EPS8: variants seen among roughly 807,000 people sequenced by gnomAD.
EPS8 encodes epidermal growth factor receptor kinase substrate 8.
EPS8 carries 42 observed loss-of-function variants against 103.8 expected under a neutral mutation model. That is an observed-to-expected ratio of 0.40 (90% CI 0.32 to 0.52). The LOEUF (loss-of-function observed/expected upper bound fraction) is 0.52. EPS8 is among the 20% of genes least tolerant of loss of function. EPS8 has a pLI of 0.40. For synonymous variants in EPS8, 344 were observed against 344.6 expected (o/e 1.00, Z 0.02); for missense variants, 969 against 1,005.1 (o/e 0.96, Z 0.49).
At chr12:15,755,598 A>G (rs1946978500) in intron 1 of EPS8, among the ~76,000 whole-genome samples, 1 of 152,238 alleles carries the variant, frequency 6.6e-6, no homozygotes, top group Non-Finnish European at 1.5e-5. Context: ...CCAAAAAAAG[A>G]AAGTATTCAT....
rs79849592 is a variant in EPS8, at chr12:15,722,815, G to A, written c.-21-39843C>T. On this transcript the variant is annotated intron_variant, in intron 1 of 20. Coordinates refer to ENST00000281172, the MANE Select transcript of EPS8 (RefSeq NM_004447.6). Reference sequence around the variant, plus strand: ...TCACCTCTTTTAAGGCACAAATCCCGTTCATGAGGGCTCTCCATCACTTAA... The same window carrying A: ...TCACCTCTTTTAAGGCACAAATCCCATTCATGAGGGCTCTCCATCACTTAA... Among the ~76,000 whole-genome samples, 1,482 of 152,192 alleles carry A rather than the reference G, an allele frequency of 9.7e-3. 12 individuals are homozygous for A. Among genetic ancestry groups the A allele is most frequent in the Admixed American group, 0.019 (288 of 15,292 alleles).
At position 15,658,582 on chromosome 12, in the gene EPS8, C is replaced by A; in HGVS notation, c.941G>T (p.Gly314Val). 1 of 1,607,378 alleles carries A rather than the reference C, an allele frequency of 6.2e-7. No homozygotes were observed. Among genetic ancestry groups the A allele is most frequent in the Non-Finnish European group, 8.5e-7 (1 of 1,174,224 alleles). The change falls in exon 11 of 21, where the codon GGT becomes GTT. Residue 314 changes from glycine to valine, a missense_variant. By Grantham distance (109) the Gly-to-Val change is moderately radical (BLOSUM62 -3). Coordinates refer to ENST00000281172, the MANE Select transcript of EPS8 (RefSeq NM_004447.6). ...KKGKRKGPGE[G>V]VLTLRAKPPP... ...AGGTTTTGCCCGCAGCGTTAAAACA[C>A]CCTCTAATGAAATAAGCGAGAGGAG... is the stretch of plus-strand genomic sequence containing the variant.
At chr12:15,644,697 C>A (rs1425093692) in intron 15 of EPS8, among the ~76,000 whole-genome samples, 19 of 122,122 alleles carry the variant, frequency 1.6e-4, no homozygotes, top group African/African-American at 4.2e-4. Flanking sequence ...GACTCTGTCT[C>A]AAAAAAAAAA....
intron 1 of EPS8, among the ~76,000 whole-genome samples, chr12:15,775,392 T>C (rs895568637): frequency 1.3e-5 from 2 of 152,110 alleles, no homozygotes; most frequent in South Asian, 4.1e-4. Flanking sequence ...TAGTTTAAAA[T>C]CTTTCAAAGG....
chr12:15,643,934 G>C (rs1426404110), intron 15 of EPS8, among the ~76,000 whole-genome samples: 1 of 152,118 alleles, frequency 6.6e-6, no homozygotes, highest in African/African-American at 2.4e-5. Context: ...TATAAAACTC[G>C]AAGGCGTGGG....
intron 1 of EPS8, chr12:15,683,896 T>C (rs1591853734): frequency 6.6e-6 from 1 of 152,322 alleles, no homozygotes; most frequent in Non-Finnish European, 1.5e-5. Context: ...TATATTACTA[T>C]GTCCTCTCAA....
At chr12:15,657,021 A>G (rs1945518952) in intron 12 of EPS8, among the ~76,000 whole-genome samples, 1 of 152,124 alleles carries the variant, frequency 6.6e-6, no homozygotes, top group Non-Finnish European at 1.5e-5. Context: ...AAATTTCTAA[A>G]CATTATAGCC....
chr12:15,646,244 C>G (rs979489468), intron 15 of EPS8, among the ~76,000 whole-genome samples: 1 of 152,044 alleles, frequency 6.6e-6, no homozygotes, highest in African/African-American at 2.4e-5. Context: ...TACCTGTCAC[C>G]ACCCCTGACA....
rs1222599953 is a variant in EPS8 at position 15,669,650 on chromosome 12, T to C, written c.366+14A>G. The C allele has an allele frequency of 1.3e-6, 2 of 1,579,794 alleles. No homozygotes were observed. Among genetic ancestry groups the C allele is most frequent in the African/African-American group, 2.7e-5 (2 of 73,266 alleles). ...TTTCTTGAAAATAAAATAGTATAAA[T>C]TTTACACACTTGCCTTTGATTCTAA... On this transcript the variant is annotated intron_variant, in intron 5 of 20. Transcript: ENST00000281172.
chr12:15,741,884 C>A (rs1288111609), intron 1 of EPS8, among the ~76,000 whole-genome samples: 1 of 152,148 alleles, frequency 6.6e-6, no homozygotes, highest in Admixed American at 6.5e-5. Context: ...CTACGACAGG[C>A]CCCAGTGTGT....
At position 15,651,259 on chromosome 12, in the gene EPS8, C is replaced by A. The variant is rs552861978; in HGVS notation, c.1251-253G>T. Among the ~76,000 whole-genome samples, 4 of 152,264 alleles carry A rather than the reference C, an allele frequency of 2.6e-5. No homozygotes were observed. In the South Asian group the frequency reaches 6.2e-4, roughly 24 times the overall value. ...GCATGATCTGTTTTCCCAACATTGC[C>A]TCATTTCTCCATTAAACTCAACTTT... On this transcript the variant is annotated intron_variant, in intron 13 of 20. Transcript: ENST00000281172.
intron 1 of EPS8, chr12:15,683,254 C>A: frequency 5.1e-6 from 1 of 195,708 alleles, no homozygotes. Context: ...AGCATATAGA[C>A]ATAATTCTAC....
At chr12:15,723,005 GAA>G (rs897410926) in intron 1 of EPS8, among the ~76,000 whole-genome samples, 2 of 129,802 alleles carry the variant, frequency 1.5e-5, no homozygotes, top group Non-Finnish European at 1.7e-5. Context: ...TCACTTGTTT[GAA>G]AAAAAAAAAC....
At chr12:15,665,602 A>G in intron 8 of EPS8, 154 bp downstream of exon 8, 1 of 829,618 alleles carries the variant, frequency 1.2e-6, no homozygotes, top group Non-Finnish European at 1.9e-6. Context: ...AAGCACTGGG[A>G]TTACAGGCAT....
At chr12:15,723,666 C>G (rs1399449343) in intron 1 of EPS8, among the ~76,000 whole-genome samples, 1 of 152,242 alleles carries the variant, frequency 6.6e-6, no homozygotes, top group East Asian at 1.9e-4. Flanking sequence ...TTTCTGTATT[C>G]TCAATAACAT....
intron 1 of EPS8, among the ~76,000 whole-genome samples, chr12:15,711,459 C>T (rs960775963): frequency 2.6e-5 from 4 of 152,200 alleles, no homozygotes; most frequent in South Asian, 2.1e-4. Context: ...TGCTGAAAAA[C>T]GGAAACCTCT....
chr12:15,721,451 G>C lies in EPS8; in HGVS notation c.-21-38479C>G, dbSNP rs1027867565. On this transcript the variant is annotated intron_variant, in intron 1 of 20. Transcript: ENST00000281172. The surrounding 1 kb of genome is among the most constrained non-coding windows in gnomAD (Gnocchi z 4.4). ...AAAACTACATAATACTCAGCTAAAA[G>C]AACGAGGTTTGTGGGGCTCAACAAA... Among the ~76,000 whole-genome samples, 2 of 152,104 alleles carry C rather than the reference G, an allele frequency of 1.3e-5. No homozygotes were observed. Among genetic ancestry groups the C allele is most frequent in the African/African-American group, 2.4e-5 (1 of 41,394 alleles).
chr12:15,646,557 T>C (rs933998158), intron 15 of EPS8, among the ~76,000 whole-genome samples: 4 of 152,198 alleles, frequency 2.6e-5, no homozygotes, highest in African/African-American at 9.7e-5. Context: ...CTCATCCCAA[T>C]TCTCCATCTC....
At chr12:15,732,422 T>G (rs1376795970) in intron 1 of EPS8, among the ~76,000 whole-genome samples, 2 of 152,176 alleles carry the variant, frequency 1.3e-5, no homozygotes, top group East Asian at 3.9e-4. Context: ...TGCTCCACAA[T>G]GTACGAGGCA....
Sources: allele counts gnomAD v4.1 joint callset (sites outside exome capture counted in the v4.1 genomes callset), GRCh38; gene constraint gnomAD v4.1.1; non-coding constraint Gnocchi (gnomAD v3.1); transcripts MANE v1.5; gene names NCBI Gene and HGNC (gene_info 2026-07-23, HGNC 2026-07-21).